Variants in ANO10 observed in about 807,000 individuals in gnomAD.
ANO10 encodes anoctamin-10.
A neutral mutation model predicts 74.7 loss-of-function variants in ANO10; 77 were observed. The ratio of observed to expected loss-of-function variants is 1.03; its 90% CI spans 0.86 to 1.25. The LOEUF is 1.25. ANO10 is among the 50% of genes most tolerant of loss of function. The pLI is 0.00. For synonymous variants in ANO10, 279 were observed against 284.9 expected, an observed-to-expected ratio of 0.98 and a Z score of 0.21; for missense variants, 721 against 778.1, an observed-to-expected ratio of 0.93 and a Z score of 0.87.
At chr3:43,486,593 A>T (rs2076499581) in intron 11 of ANO10, among the ~76,000 whole-genome samples, 1 of 141,906 alleles carries the variant, frequency 7.0e-6, no homozygotes, top group African/African-American at 2.6e-5. Context: ...TTCACTCCTG[A>T]TTTGGCTCTC....
intron 11 of ANO10, among the ~76,000 whole-genome samples, chr3:43,458,120 A>G (rs2075218447): frequency 1.3e-5 from 2 of 152,180 alleles, no homozygotes; most frequent in Non-Finnish European, 2.9e-5. Context: ...TTAACCTATA[A>G]AAGGGGAGAT....
intron 1 of ANO10, among the ~76,000 whole-genome samples, chr3:43,655,241 G>A (rs982814940): frequency 2.0e-5 from 3 of 152,162 alleles, no homozygotes; most frequent in Non-Finnish European, 2.9e-5. Context: ...GAATGAAGCC[G>A]TGGACCCTCG....
chr3:43,374,817 A>G (rs1349371566), intron 12 of ANO10, among the ~76,000 whole-genome samples: 3 of 152,196 alleles, frequency 2.0e-5, no homozygotes, highest in Non-Finnish European at 1.5e-5. Context: ...GATATTAAAG[A>G]GTGCTTAAAA....
At chr3:43,435,844 AC>A (rs2093058272) in intron 11 of ANO10, among the ~76,000 whole-genome samples, 1 of 152,128 alleles carries the variant, frequency 6.6e-6, no homozygotes, top group African/African-American at 2.4e-5. Context: ...CTCCACCCCT[AC>A]CCCTACCCCT....
In ANO10 at chr3:43,372,304, C is replaced by T. The variant is rs1436259704; in HGVS notation, c.1915-5330G>A. 3.3e-5 allele frequency among the ~76,000 whole-genome samples: 5 copies of T among 152,178 alleles called. No homozygotes were observed. In the East Asian group the frequency reaches 9.6e-4, roughly 29 times the overall value. The stretch of plus-strand genomic sequence containing the variant: ...ACACACGCACTGCTCCTGCCTCCCT[C>T]CTCAAGGCTGTGCCCCTGCCTGCAC... On this transcript the variant is annotated intron_variant, in intron 12 of 12. Transcript: ENST00000292246.
At chr3:43,496,224 A>C (rs986596303) in intron 11 of ANO10, among the ~76,000 whole-genome samples, 52 of 152,168 alleles carry the variant, frequency 3.4e-4, no homozygotes, top group Admixed American at 2.7e-3. Flanking sequence ...ATCGGAAAAC[A>C]ATCAGAATGC....
intron 1 of ANO10, among the ~76,000 whole-genome samples, chr3:43,668,620 G>A (rs1260418145): frequency 6.6e-6 from 1 of 151,978 alleles, no homozygotes; most frequent in Non-Finnish European, 1.5e-5. Flanking sequence ...AATAGATGGG[G>A]ATCTAGTTTC....
At chr3:43,574,690 T>C in intron 7 of ANO10, 119 bp downstream of exon 7, 2 of 826,546 alleles carry the variant, frequency 2.4e-6, no homozygotes, top group Admixed American at 4.3e-5. Context: ...TCCTTGCCTA[T>C]TTGCACAAAA....
chr3:43,555,521 C>T, intron 9 of ANO10, 52 bp from the exon 10 acceptor site: 1 of 1,563,810 alleles, frequency 6.4e-7, no homozygotes, highest in Middle Eastern at 1.7e-4. Flanking sequence ...ATAGGAATAT[C>T]CTTTTGCAAT....
At chr3:43,644,250 C>G (rs1225758414) in intron 1 of ANO10, among the ~76,000 whole-genome samples, 1 of 152,122 alleles carries the variant, frequency 6.6e-6, no homozygotes, top group Admixed American at 6.5e-5. Context: ...TAGATTCACT[C>G]CATCCTTTTT....
chr3:43,570,531 A>C (rs1245712471), intron 7 of ANO10, among the ~76,000 whole-genome samples: 1 of 152,176 alleles, frequency 6.6e-6, no homozygotes, highest in Non-Finnish European at 1.5e-5. Flanking sequence ...ATAACGCCGC[A>C]TATCTACAAC....
rs572220655 is a variant in ANO10, at chr3:43,464,194, G to A, written c.1798-31467C>T. Among the ~76,000 whole-genome samples the A allele has an allele frequency of 4.8e-3, 724 of 149,698 alleles. 5 individuals are homozygous for A. The highest frequency in any genetic ancestry group is 0.017 in the African/African-American group (693 of 40,890). On this transcript the variant is annotated intron_variant, in intron 11 of 12. Transcript: ENST00000292246. ...CATCAATCCTACACAGCCTCTCTCTGAAAAAAAAAGGAGGGGACATTCATG... is the reference window on the plus strand; with the variant it reads ...CATCAATCCTACACAGCCTCTCTCTAAAAAAAAAAGGAGGGGACATTCATG...
At chr3:43,566,430 A>G (rs1431313179) in intron 7 of ANO10, among the ~76,000 whole-genome samples, 4 of 152,116 alleles carry the variant, frequency 2.6e-5, no homozygotes, top group Non-Finnish European at 4.4e-5. Context: ...AGACTTAAAT[A>G]TCCCTGTCTG....
chr3:43,397,853 T>C (rs1376839580), intron 12 of ANO10, among the ~76,000 whole-genome samples: 2 of 152,332 alleles, frequency 1.3e-5, no homozygotes, highest in East Asian at 3.9e-4. Context: ...CTTCTATCTC[T>C]ATCTCTCAGA....
intron 11 of ANO10, among the ~76,000 whole-genome samples, chr3:43,496,675 T>G (rs1039507524): frequency 6.6e-6 from 1 of 152,048 alleles, no homozygotes; most frequent in African/African-American, 2.4e-5. Context: ...CCAAGCTGGT[T>G]ATTCTATTCT....
intron 1 of ANO10, among the ~76,000 whole-genome samples, chr3:43,614,801 A>ATATG (rs61457264): frequency 0.013 from 1,316 of 99,368 alleles, 112 homozygotes; most frequent in African/African-American, 0.037. Flanking sequence ...ATATATATAT[A>ATATG]TAGGTTCATT....
intron 1 of ANO10, chr3:43,690,825 C>T (rs907250832): frequency 1.7e-6 from 1 of 573,652 alleles, no homozygotes; most frequent in Non-Finnish European, 2.7e-6. Context: ...AAGCCGGAGG[C>T]AAGGCCGCGC....
Position 43,619,449 on chromosome 3 carries a change from T to C in ANO10, c.-12+2460A>G, listed in dbSNP as rs141139778. Among the ~76,000 whole-genome samples the C allele has an allele frequency of 4.7e-3, 717 of 152,314 alleles. 5 individuals are homozygous for C. Among genetic ancestry groups the C allele is most frequent in the African/African-American group, 0.017 (689 of 41,562 alleles). ...ACAATTGCACCATCGTCATCTAAGA[T>C]GTTCACATCTGGGGAAGCTAGGTGA... is the stretch of plus-strand genomic sequence containing the variant. On this transcript the variant is annotated intron_variant, in intron 1 of 12. Coordinates refer to ENST00000292246, the MANE Select transcript of ANO10 (RefSeq NM_018075.5).
Position 43,600,538 on chromosome 3 carries a change from T to G in ANO10, c.183A>C (p.Gln61His). Residue 61 changes from glutamine (Q) to histidine (H), a missense_variant, in exon 3 of 13, where the codon CAA (glutamine) becomes CAC (histidine). Gln to His is a conservative substitution (Grantham distance 24, BLOSUM62 0). Coordinates refer to ENST00000292246, the MANE Select transcript of ANO10 (RefSeq NM_018075.5). The stretch of plus-strand genomic sequence containing the variant: ...ATAAGTTCTGATTTTCTAGTGTTTC[T>G]TGTTCATATTTATTTAACAATGGTC... ...LFRPLLNKYE[Q>H]ETLENQNLYL... is the part of the protein sequence containing the mutation. 23 of 1,613,670 alleles carry G rather than the reference T, an allele frequency of 1.4e-5. No individual in the cohort carries two copies. Among genetic ancestry groups the G allele is most frequent in the Non-Finnish European group, 1.9e-5 (22 of 1,179,560 alleles).
Sources: allele counts gnomAD v4.1 joint callset (sites outside exome capture counted in the v4.1 genomes callset), GRCh38; gene constraint gnomAD v4.1.1; transcripts MANE v1.5; gene names NCBI Gene and HGNC (gene_info 2026-07-23, HGNC 2026-07-21).